Variants in HSD17B11 observed in about 807,000 individuals in gnomAD.
HSD17B11 encodes the protein estradiol 17-beta-dehydrogenase 11.
In HSD17B11, 22 loss-of-function variants were observed where a neutral mutation model predicts 27.8. The ratio of observed to expected loss-of-function variants is 0.79; its 90% CI spans 0.56 to 1.13. The LOEUF (loss-of-function observed/expected upper bound fraction) is 1.13, where lower values mean the gene tolerates loss of function less well. Ranked by LOEUF, HSD17B11 falls within the 50% of genes most tolerant of loss-of-function variation. The pLI is 0.00. For missense variants in HSD17B11, 314 were observed against 351.1 expected, an observed-to-expected ratio of 0.89 and a Z score of 0.84; for synonymous variants, 117 against 132.8, an observed-to-expected ratio of 0.88 and a Z score of 0.82.
chr4:87,365,773 G>A (rs55932175), intron 4 of HSD17B11, among the ~76,000 whole-genome samples: 23,942 of 151,350 alleles, frequency 0.16, 2,040 homozygotes, highest in Admixed American at 0.19. Context: ...GTAAGAAGAA[G>A]CATGGGAATG....
chr4:87,352,745 T>A (rs10433943), intron 5 of HSD17B11, among the ~76,000 whole-genome samples: 1 of 4,232 alleles, frequency 2.4e-4, no homozygotes, highest in East Asian at 1.8e-3. Flanking sequence ...CAGTTTGATC[T>A]CAGACTGCTG....
intron 4 of HSD17B11, among the ~76,000 whole-genome samples, chr4:87,364,652 G>C (rs62319084): frequency 0.16 from 23,921 of 152,196 alleles, 2,026 homozygotes; most frequent in Admixed American, 0.19. Flanking sequence ...GCTTTAGGTT[G>C]CCTTGCAATG....
intron 5 of HSD17B11, among the ~76,000 whole-genome samples, chr4:87,347,115 T>TC (rs1560759288): frequency 7.1e-5 from 4 of 56,140 alleles, no homozygotes; most frequent in Admixed American, 5.8e-4. Flanking sequence ...TTTTTTTTTT[T>TC]CTTTTTTTTT....
intron 6 of HSD17B11, among the ~76,000 whole-genome samples, chr4:87,337,913 T>C (rs1490286284): frequency 6.6e-6 from 1 of 152,170 alleles, no homozygotes; most frequent in African/African-American, 2.4e-5. Flanking sequence ...ATCAATGTGT[T>C]ACTATATTAA....
chr4:87,390,875 A>C lies in HSD17B11; in HGVS notation c.196T>G (p.Trp66Gly). 1 of 1,613,988 alleles carries C rather than the reference A, an allele frequency of 6.2e-7. No individual in the cohort carries two copies. Among genetic ancestry groups the C allele is most frequent in the South Asian group, 1.1e-5 (1 of 91,078 alleles). Residue 66 changes from tryptophan (W) to glycine (G), a missense_variant, in exon 1 of 7, where the codon TGG (tryptophan) becomes GGG (glycine). Transcript: ENST00000358290. ...FAKLKSKLVL[W>G]DINKHGLEET... ...AACACTGTTACCTTATTTATATCCC[A>C]GAGAACCAGCTTGCTTTTAAGTTTA...
At chr4:87,362,165 G>A (rs1169055258) in intron 4 of HSD17B11, among the ~76,000 whole-genome samples, 1 of 152,172 alleles carries the variant, frequency 6.6e-6, no homozygotes, top group Admixed American at 6.5e-5. Flanking sequence ...CTTAATAAAA[G>A]GCAAGGACAC....
chr4:87,378,853 TATAAATATATATAA>T (rs1720008854), intron 2 of HSD17B11, among the ~76,000 whole-genome samples: 6 of 23,274 alleles, frequency 2.6e-4, no homozygotes, highest in South Asian at 7.1e-4. Flanking sequence ...TAAATATATA[TATAAATATATATAA>T]ATATATATAT....
chr4:87,362,951 G>A (rs1735544138), intron 4 of HSD17B11, among the ~76,000 whole-genome samples: 2 of 151,886 alleles, frequency 1.3e-5, no homozygotes, highest in Non-Finnish European at 2.9e-5. Flanking sequence ...ATTTCTCAGG[G>A]CGACCTTCTT....
intron 4 of HSD17B11, among the ~76,000 whole-genome samples, chr4:87,367,825 A>G (rs991344519): frequency 6.6e-6 from 1 of 152,214 alleles, no homozygotes; most frequent in African/African-American, 2.4e-5. Flanking sequence ...TAGCAACCCC[A>G]TATCAGCTTG....
intron 2 of HSD17B11, among the ~76,000 whole-genome samples, chr4:87,380,485 A>AAAGG (rs1553960406): frequency 2.5e-5 from 1 of 39,566 alleles, no homozygotes; most frequent in Admixed American, 3.5e-4. Context: ...AAAAAAAAAA[A>AAAGG]AAAGAAAAAA....
At chr4:87,371,407 G>C (rs1391996098) in intron 4 of HSD17B11, among the ~76,000 whole-genome samples, 1 of 152,134 alleles carries the variant, frequency 6.6e-6, no homozygotes, top group Non-Finnish European at 1.5e-5. Flanking sequence ...CAATATAGTG[G>C]TTACCTTTGG....
rs370142998 is a variant in HSD17B11 at position 87,341,691 on chromosome 4, T to C, written c.696-1085A>G. Among the ~76,000 whole-genome samples, 3 of 151,930 alleles carry C rather than the reference T, an allele frequency of 2.0e-5. No individual in the cohort carries two copies. The East Asian group carries it at 5.9e-4, about 30-fold the overall frequency. ...GCCTAGCCATCATGGCAAAATCCTG[T>C]CTCTACAAAGAAATACAAAAGAAAA... On this transcript the variant is annotated intron_variant, in intron 5 of 6. Coordinates refer to ENST00000358290, the MANE Select transcript of HSD17B11 (RefSeq NM_016245.5).
intron 2 of HSD17B11, among the ~76,000 whole-genome samples, chr4:87,376,330 C>T (rs1735822669): frequency 6.6e-6 from 1 of 151,836 alleles, no homozygotes; most frequent in Non-Finnish European, 1.5e-5. Flanking sequence ...CATGGTGAAA[C>T]CCCATCTCTA....
At chr4:87,383,004 G>A (rs1304067814) in intron 1 of HSD17B11, among the ~76,000 whole-genome samples, 1 of 152,192 alleles carries the variant, frequency 6.6e-6, no homozygotes, top group Non-Finnish European at 1.5e-5. Flanking sequence ...ATTGTGATGA[G>A]TATCACAGCA....
At chr4:87,387,293 ATTAATT>A in intron 1 of HSD17B11, 1 of 152,244 alleles carries the variant, frequency 6.6e-6, no homozygotes, top group Non-Finnish European at 1.5e-5. Flanking sequence ...TGACACCACC[ATTAATT>A]CTTCCCTAAA....
At chr4:87,375,800 A>T (rs1167270286) in intron 2 of HSD17B11, among the ~76,000 whole-genome samples, 1 of 152,090 alleles carries the variant, frequency 6.6e-6, no homozygotes, top group African/African-American at 2.4e-5. Context: ...GAATTGTGGA[A>T]AACTGATTAC....
At position 87,360,832 on chromosome 4, in the gene HSD17B11, A is replaced by C. The variant is rs554529033; in HGVS notation, c.558-3416T>G. 9.1e-4 allele frequency among the ~76,000 whole-genome samples: 138 copies of C among 152,350 alleles called. 2 individuals carry two copies. In the South Asian group the frequency reaches 0.027, roughly 30 times the overall value. ...ATACCAATGATAATGAGTAAATTGAATAACTAGTGGCACGTATGTGCAGTG... is the reference window on the plus strand; with the variant it reads ...ATACCAATGATAATGAGTAAATTGACTAACTAGTGGCACGTATGTGCAGTG... On this transcript the variant is annotated intron_variant, in intron 4 of 6. Coordinates refer to ENST00000358290, the MANE Select transcript of HSD17B11 (RefSeq NM_016245.5).
intron 6 of HSD17B11, among the ~76,000 whole-genome samples, chr4:87,337,797 C>T (rs556244754): frequency 6.6e-6 from 1 of 152,368 alleles, no homozygotes; most frequent in South Asian, 2.1e-4. Flanking sequence ...GCAGACAACG[C>T]TTTGGTTTTG....
At chr4:87,358,111 G>A (rs1735426962) in intron 4 of HSD17B11, among the ~76,000 whole-genome samples, 1 of 151,678 alleles carries the variant, frequency 6.6e-6, no homozygotes, top group Non-Finnish European at 1.5e-5. Flanking sequence ...ACAGGCGCCC[G>A]CCACCATGCT....
Sources: allele counts gnomAD v4.1 joint callset (sites outside exome capture counted in the v4.1 genomes callset), GRCh38; gene constraint gnomAD v4.1.1; transcripts MANE v1.5; gene names NCBI Gene and HGNC (gene_info 2026-07-23, HGNC 2026-07-21).